Variants in COL21A1 observed in about 807,000 individuals in gnomAD.
COL21A1 encodes collagen type XXI alpha 1 chain.
A neutral mutation model predicts 137.9 loss-of-function variants in COL21A1; 149 were observed. That is an observed-to-expected ratio of 1.08 (90% CI 0.95 to 1.24). The LOEUF (loss-of-function observed/expected upper bound fraction) is 1.24, where lower values mean the gene tolerates loss of function less well. COL21A1 is among the 50% of genes most tolerant of loss of function. The pLI, the probability that COL21A1 is intolerant of heterozygous loss-of-function variation, is 0.00. For missense variants in COL21A1, 1,167 were observed against 1,158.4 expected (o/e 1.01, Z -0.11); for synonymous variants, 456 against 391.5 (o/e 1.16, Z -1.95).
At chr6:56,293,065 A>T (rs1234965308) in intron 1 of COL21A1, among the ~76,000 whole-genome samples, 1 of 152,234 alleles carries the variant, frequency 6.6e-6, no homozygotes, top group African/African-American at 2.4e-5. Context: ...ATCTAGGAAG[A>T]TTCTGCATAA....
At chr6:56,199,207 A>G (rs749746382) in intron 1 of COL21A1, among the ~76,000 whole-genome samples, 11 of 152,196 alleles carry the variant, frequency 7.2e-5, no homozygotes, top group Admixed American at 2.0e-4. Context: ...AACAGCAGAA[A>G]GTCCTTGGTT....
chr6:56,215,774 C>A (rs955665043), intron 1 of COL21A1, among the ~76,000 whole-genome samples: 3 of 151,922 alleles, frequency 2.0e-5, no homozygotes, highest in Non-Finnish European at 4.4e-5. Context: ...TTTTTAACAG[C>A]AAAATTTGCA....
chr6:56,091,576 G>T (rs1341789726), intron 17 of COL21A1: 2 of 152,610 alleles, frequency 1.3e-5, no homozygotes, highest in Non-Finnish European at 2.9e-5. Flanking sequence ...GTAGAACCCA[G>T]TCCCTGCCTA....
chr6:56,182,848 A>G (rs952657477), intron 1 of COL21A1, among the ~76,000 whole-genome samples, 192 bp from the exon 2 acceptor site: 1 of 152,206 alleles, frequency 6.6e-6, no homozygotes, highest in South Asian at 2.1e-4. Context: ...GTGGCTAAAG[A>G]CCATGATAAA....
chr6:56,081,869 A>G (rs930771733), intron 17 of COL21A1, among the ~76,000 whole-genome samples: 2 of 151,942 alleles, frequency 1.3e-5, no homozygotes, highest in African/African-American at 2.4e-5. Context: ...TACTTTAGCC[A>G]ATAAATATAG....
chr6:56,085,961 GTC>G (rs1348279170), intron 17 of COL21A1, among the ~76,000 whole-genome samples: 2 of 146,422 alleles, frequency 1.4e-5, no homozygotes, highest in African/African-American at 5.0e-5. Context: ...TTTACATATA[GTC>G]TCATATATTT....
intron 1 of COL21A1, among the ~76,000 whole-genome samples, chr6:56,344,688 T>C (rs915435076): frequency 2.0e-5 from 3 of 152,056 alleles, no homozygotes; most frequent in Non-Finnish European, 4.4e-5. Flanking sequence ...AGGACAGGCC[T>C]GGTGGGGAGG....
intron 1 of COL21A1, among the ~76,000 whole-genome samples, chr6:56,244,230 C>A (rs1356525658): frequency 4.6e-5 from 7 of 152,170 alleles, no homozygotes; most frequent in Non-Finnish European, 8.8e-5. Flanking sequence ...ACAGGAGAGT[C>A]ATGAAGTCAC....
chr6:56,309,027 C>T (rs72870219), intron 1 of COL21A1, among the ~76,000 whole-genome samples: 26,721 of 151,234 alleles, frequency 0.18, 2,695 homozygotes, highest in Non-Finnish European at 0.22. Context: ...TTGTTAATCA[C>T]GCTCAGTCCT....
intron 1 of COL21A1, among the ~76,000 whole-genome samples, chr6:56,305,801 T>C (rs4715612): frequency 0.84 from 126,416 of 149,972 alleles, 55,268 homozygotes; most frequent in South Asian, 0.97. Flanking sequence ...TTATTTTGCT[T>C]ATTAGTTGAT....
chr6:56,210,358 G>A (rs555404727), intron 1 of COL21A1, among the ~76,000 whole-genome samples: 267 of 152,108 alleles, frequency 1.8e-3, no homozygotes, highest in Non-Finnish European at 2.7e-3. Flanking sequence ...TAATAAATGG[G>A]CACAAATAAA....
intron 10 of COL21A1, among the ~76,000 whole-genome samples, chr6:56,147,319 G>A (rs1555097): frequency 0.77 from 115,916 of 151,402 alleles, 45,195 homozygotes; most frequent in African/African-American, 0.91. Flanking sequence ...TTTCTCCCCA[G>A]TAGAATGTGA....
intron 1 of COL21A1, among the ~76,000 whole-genome samples, chr6:56,282,365 TG>T (rs1763804925): frequency 3.2e-5 from 1 of 31,620 alleles, no homozygotes; most frequent in Non-Finnish European, 5.8e-5. Context: ...CTCATACGCA[TG>T]GTTTTTTCAT....
At chr6:56,243,190 T>C (rs1381690912) in intron 1 of COL21A1, among the ~76,000 whole-genome samples, 2 of 151,724 alleles carry the variant, frequency 1.3e-5, no homozygotes, top group East Asian at 3.9e-4. Context: ...TCTTTATAAA[T>C]GACATGATTA....
intron 9 of COL21A1, among the ~76,000 whole-genome samples, chr6:56,157,218 A>G (rs1775824123): frequency 6.6e-6 from 1 of 151,860 alleles, no homozygotes; most frequent in Non-Finnish European, 1.5e-5. Flanking sequence ...ATGCACATTT[A>G]TGGTAGGATA....
chr6:56,211,892 T>A (rs565784541), intron 1 of COL21A1, among the ~76,000 whole-genome samples: 1 of 152,228 alleles, frequency 6.6e-6, no homozygotes, highest in South Asian at 2.1e-4. Context: ...ATTGCATACG[T>A]CAGCAATTCT....
At chr6:56,281,049 T>A (rs1015289470) in intron 1 of COL21A1, among the ~76,000 whole-genome samples, 1 of 152,088 alleles carries the variant, frequency 6.6e-6, no homozygotes, top group Non-Finnish European at 1.5e-5. Flanking sequence ...TCTGCCTGAC[T>A]ATAAAGCCAG....
At chr6:56,202,916 G>A (rs1285639118) in intron 1 of COL21A1, among the ~76,000 whole-genome samples, 2 of 152,146 alleles carry the variant, frequency 1.3e-5, no homozygotes, top group Non-Finnish European at 2.9e-5. Flanking sequence ...TTATTTGCCT[G>A]TGCCAGCAAA....
At chr6:56,281,010 A>C (rs771079171) in intron 1 of COL21A1, among the ~76,000 whole-genome samples, 1 of 151,028 alleles carries the variant, frequency 6.6e-6, no homozygotes, top group East Asian at 1.9e-4. Flanking sequence ...GTCTCAAAAA[A>C]TAAAGATAAA....
Sources: allele counts gnomAD v4.1 joint callset (sites outside exome capture counted in the v4.1 genomes callset), GRCh38; gene constraint gnomAD v4.1.1; transcripts MANE v1.5; gene names NCBI Gene and HGNC (gene_info 2026-07-23, HGNC 2026-07-21).